Variants in BLTP1 observed in about 807,000 individuals in gnomAD.
The protein encoded by BLTP1 is fragile site-associated protein.
chr4:122,352,910 A>C, the BLTP1 span: 1 of 1,613,878 alleles, frequency 6.2e-7, no homozygotes, highest in Non-Finnish European at 8.5e-7. Context: ...GCAGTACTTG[A>C]TGCAGCACAT....
At chr4:122,324,404 T>G in the BLTP1 span, 1 of 1,601,626 alleles carries the variant, frequency 6.2e-7, no homozygotes, top group African/African-American at 1.3e-5. Flanking sequence ...ATAGTCACCC[T>G]TTTTTCTCTC....
chr4:122,310,187 A>G, the BLTP1 span, among the ~76,000 whole-genome samples: 2 of 151,960 alleles, frequency 1.3e-5, no homozygotes, highest in African/African-American at 2.4e-5. Flanking sequence ...TCCTCTCTCC[A>G]CTAGAGGGAA....
chr4:122,156,041 CTG>C, the BLTP1 span: 2 of 877,398 alleles, frequency 2.3e-6, no homozygotes, highest in Non-Finnish European at 1.4e-6. Context: ...GCTTGGGAAA[CTG>C]AGTAGATTCT....
the BLTP1 span, among the ~76,000 whole-genome samples, chr4:122,273,931 A>G: frequency 7.2e-5 from 11 of 151,996 alleles, no homozygotes; most frequent in African/African-American, 2.7e-4. Context: ...AAATATTTAT[A>G]CCCTCCATTA....
chr4:122,347,459 A>G, the BLTP1 span: 1 of 1,541,470 alleles, frequency 6.5e-7, no homozygotes, highest in Non-Finnish European at 8.7e-7. Flanking sequence ...AACTTATTTT[A>G]TAACATAGGG....
At chr4:122,204,338 G>T in the BLTP1 span, 1 of 974,044 alleles carries the variant, frequency 1.0e-6, no homozygotes, top group Non-Finnish European at 1.2e-6. Flanking sequence ...GTTTTTAAAT[G>T]AATTCAGTAG....
chr4:122,230,690 A>T, the BLTP1 span, among the ~76,000 whole-genome samples: 5 of 152,132 alleles, frequency 3.3e-5, no homozygotes, highest in Non-Finnish European at 5.9e-5. Context: ...TTATTATTAT[A>T]TATGATTTAA....
the BLTP1 span, chr4:122,260,047 C>T: frequency 4.8e-4 from 190 of 399,660 alleles, 2 homozygotes; most frequent in African/African-American, 3.8e-3. Context: ...GGCAATTTGT[C>T]ATTGTGTAAA....
At chr4:122,324,512 C>T in the BLTP1 span, 1 of 1,610,338 alleles carries the variant, frequency 6.2e-7, no homozygotes, top group Middle Eastern at 1.7e-4. Context: ...GGAAGACCAC[C>T]TCTTAAGCGA....
chr4:122,349,709 G>C, the BLTP1 span: 2 of 1,535,416 alleles, frequency 1.3e-6, no homozygotes, highest in Non-Finnish European at 1.8e-6. The surrounding 1 kb of genome is among the most constrained non-coding windows in gnomAD (Gnocchi z 4.5). Context: ...CTATCATCTG[G>C]TGAGAAAACA....
At chr4:122,257,176 A>G in the BLTP1 span, 1 of 1,379,516 alleles carries the variant, frequency 7.2e-7, no homozygotes, top group East Asian at 2.3e-5. Flanking sequence ...TGAGATTTGA[A>G]TAAATACATG....
At chr4:122,245,119 C>A in the BLTP1 span, 3 of 1,608,530 alleles carry the variant, frequency 1.9e-6, no homozygotes, top group South Asian at 2.2e-5. Context: ...TCCAAAATAG[C>A]AAGACTACCT....
the BLTP1 span, chr4:122,170,688 C>T: frequency 6.3e-7 from 1 of 1,597,682 alleles, no homozygotes; most frequent in Non-Finnish European, 8.5e-7. Context: ...CCTAGTATAA[C>T]TCAATTAGAA....
At chr4:122,304,812 G>A in the BLTP1 span, 18 of 1,613,236 alleles carry the variant, frequency 1.1e-5, no homozygotes, top group Non-Finnish European at 1.4e-5. Flanking sequence ...TTCAAGTAAC[G>A]GCCACTACTC....
chr4:122,284,054 A>C, the BLTP1 span, among the ~76,000 whole-genome samples: 1 of 152,176 alleles, frequency 6.6e-6, no homozygotes, highest in African/African-American at 2.4e-5. Flanking sequence ...TTATTTATTA[A>C]GATATCTAGG....
At chr4:122,333,916 G>A in the BLTP1 span, 41 of 1,362,400 alleles carry the variant, frequency 3.0e-5, no homozygotes, top group African/African-American at 6.2e-4. Flanking sequence ...GAGACTTAGT[G>A]ACTTCTTTGT....
the BLTP1 span, among the ~76,000 whole-genome samples, chr4:122,252,218 G>T: frequency 1.3e-5 from 2 of 152,184 alleles, no homozygotes; most frequent in Admixed American, 6.5e-5. Context: ...GACCTAGCAC[G>T]TTCCTAGCTG....
At chr4:122,303,909 AGTTGATGAAGCAGTG>A in the BLTP1 span, among the ~76,000 whole-genome samples, 1 of 152,208 alleles carries the variant, frequency 6.6e-6, no homozygotes, top group African/African-American at 2.4e-5. Flanking sequence ...CCATAAACTT[AGTTGATGAAGCAGTG>A]GCAAGGTATG....
the BLTP1 span, chr4:122,172,418 C>T: frequency 2.2e-6 from 1 of 463,620 alleles, no homozygotes; most frequent in Non-Finnish European, 2.8e-6. Flanking sequence ...TATAAGTAAC[C>T]ATATACTTTC....
Sources: gnomAD v4.1 joint callset for allele counts (sites outside exome capture counted in the v4.1 genomes callset) on GRCh38, gnomAD v4.1.1 for gene constraint, Gnocchi (gnomAD v3.1) non-coding constraint, MANE v1.5 for transcripts, NCBI Gene and HGNC (gene_info 2026-07-23, HGNC 2026-07-21) for gene names.